The following SIGLEC1 variants were observed in gnomAD, a reference collection of about 807,000 sequenced individuals.
SIGLEC1 encodes sialic acid binding Ig like lectin 1, also known as sialoadhesin.
Under a neutral mutation model 148.0 loss-of-function variants are expected in SIGLEC1, and 132 were observed. The observed-to-expected ratio is 0.89, with a 90% CI of 0.77 to 1.03. SIGLEC1 has a LOEUF of 1.03. SIGLEC1 is among the 50% of genes least tolerant of loss of function. The pLI, the probability that SIGLEC1 is intolerant of heterozygous loss-of-function variation, is 0.00. For missense variants in SIGLEC1, 2,253 were observed against 2,271.4 expected, an observed-to-expected ratio of 0.99 and a Z score of 0.16; for synonymous variants, 945 against 969.0, an observed-to-expected ratio of 0.98 and a Z score of 0.46.
chr20:3,693,167 C>T (rs781423778), intron 14 of SIGLEC1, 36 bp from the exon 15 acceptor site: 20 of 1,507,426 alleles, frequency 1.3e-5, no homozygotes, highest in East Asian at 4.5e-5. Flanking sequence ...GAGTCACAGG[C>T]AGCAGCCTGC....
At chr20:3,690,652 T>A (rs988241013) in intron 18 of SIGLEC1, among the ~76,000 whole-genome samples, 3 of 152,238 alleles carry the variant, frequency 2.0e-5, no homozygotes, top group African/African-American at 7.2e-5. Flanking sequence ...ATTGAGCAGA[T>A]AACATGACTT....
chr20:3,701,667 G>A (rs770441175), intron 6 of SIGLEC1, 26 bp from the exon 7 acceptor site: 14 of 1,528,728 alleles, frequency 9.2e-6, no homozygotes, highest in Non-Finnish European at 1.2e-5. Context: ...AGGTGGGCCT[G>A]TCACCCTCAG....
rs1275825103 is a variant in SIGLEC1 at position 3,691,914 on chromosome 20, A to G, written c.4319T>C (p.Leu1440Ser). ...TCTCTTCCACTCACCTTCTACCTGC[A>G]ACCGCCCGATGGTGCTGATTGAGCC... ...LLGSISTIGR[L>S]QVEGARVVAE... is the part of the protein sequence containing the mutation. The change falls in exon 17 of 22, where the codon TTG (leucine) becomes TCG (serine). Residue 1440 changes from leucine to serine, a missense_variant. Physicochemically the swap from Leu to Ser is moderately radical, Grantham distance 145. Coordinates refer to ENST00000344754, the MANE Select transcript of SIGLEC1 (RefSeq NM_023068.4). 2 of 1,576,180 alleles carry G rather than the reference A, an allele frequency of 1.3e-6. No homozygotes were observed. The highest frequency in any genetic ancestry group is 2.7e-5 in the African/African-American group (2 of 74,424).
At chr20:3,699,962 C>T (rs144378999) in intron 7 of SIGLEC1, among the ~76,000 whole-genome samples, 2,304 of 151,382 alleles carry the variant, frequency 0.015, 61 homozygotes, top group African/African-American at 0.053. Flanking sequence ...AGGTGTGCCA[C>T]CACACCCAGC....
In SIGLEC1 at chr20:3,710,610, G is replaced by A. The variant is rs2087922848; in HGVS notation, c.-110+1860C>T. ...AGCCTGCTGGGCACACTGGGGGTCA[G>A]ATGTGTCCCTGGCCACAGGGGATGT... On this transcript the variant is annotated intron_variant, in intron 1 of 21. Coordinates refer to ENST00000344754, the MANE Select transcript of SIGLEC1 (RefSeq NM_023068.4). The surrounding 1 kb of genome is among the most constrained non-coding windows in gnomAD (Gnocchi z 4.6). Among the ~76,000 whole-genome samples the A allele has an allele frequency of 6.6e-6, 1 of 152,206 alleles. No homozygotes were observed. Among genetic ancestry groups the A allele is most frequent in the Non-Finnish European group, 1.5e-5 (1 of 68,036 alleles).
At position 3,703,214 on chromosome 20, in the gene SIGLEC1, A is replaced by G. The variant is rs148507891; in HGVS notation, c.1211T>C (p.Val404Ala). 4 of 1,613,888 alleles carry G rather than the reference A, an allele frequency of 2.5e-6. No individual in the cohort carries two copies. The highest frequency in any genetic ancestry group is 3.4e-6 in the Non-Finnish European group (4 of 1,180,010). ...CCTCTTACGGTTGACTACCACGCTGACAGGGCCCGAGCGCTCGCTGCCATG... is the reference window on the plus strand; with the variant it reads ...CCTCTTACGGTTGACTACCACGCTGGCAGGGCCCGAGCGCTCGCTGCCATG... The part of the protein sequence containing the change: ...NVHGSERSGP[V>A]SVVVNHPPLT... The change falls in exon 6 of 22, where the codon GTC (valine) becomes GCC (alanine). Residue 404 changes from valine to alanine, a missense_variant. Coordinates refer to ENST00000344754, the MANE Select transcript of SIGLEC1 (RefSeq NM_023068.4).
intron 13 of SIGLEC1, 42 bp from the exon 14 acceptor site, chr20:3,693,740 G>A: frequency 6.5e-7 from 1 of 1,532,300 alleles, no homozygotes; most frequent in South Asian, 1.3e-5. Flanking sequence ...AGGGTCTTGA[G>A]GCTGTGTACA....
chr20:3,691,783 G>T (rs933890855), intron 17 of SIGLEC1, 120 bp downstream of exon 17: 3 of 1,364,774 alleles, frequency 2.2e-6, no homozygotes, highest in African/African-American at 1.5e-5. Flanking sequence ...ACCAGATTAG[G>T]CTTCTCAAGG....
rs773390349 is a variant in SIGLEC1, at chr20:3,698,059, G to A, written c.1861C>T (p.Leu621Phe). 1 of 1,606,564 alleles carries A rather than the reference G, an allele frequency of 6.2e-7. No homozygotes were observed. Among genetic ancestry groups the A allele is most frequent in the Non-Finnish European group, 8.5e-7 (1 of 1,177,508 alleles). Residue 621 changes from leucine (L) to phenylalanine (F), a missense_variant, in exon 9 of 22, where the codon CTC becomes TTC. By Grantham distance (22) the Leu-to-Phe change is conservative. Coordinates refer to ENST00000344754, the MANE Select transcript of SIGLEC1 (RefSeq NM_023068.4). ...AAGAGAGRRG[L>F]LLCRVDSDPP... is the part of the protein sequence containing the mutation. ...TCGCTGTCCACACGGCACAAAAGGA[G>A]GCCTCGCCGTCCAGCCCCGGCCCCA...
chr20:3,703,715 C>T, intron 5 of SIGLEC1, 110 bp downstream of exon 5: 1 of 1,412,510 alleles, frequency 7.1e-7, no homozygotes, highest in African/African-American at 1.4e-5. Context: ...ATCCAGGAAG[C>T]ACTGGGTTAT....
chr20:3,709,219 A>G (rs1252439152), intron 1 of SIGLEC1, among the ~76,000 whole-genome samples: 2 of 152,210 alleles, frequency 1.3e-5, no homozygotes, highest in Non-Finnish European at 2.9e-5. Flanking sequence ...AACCACCAAA[A>G]AAACCATGAA....
Position 3,697,284 on chromosome 20 carries a change from C to G in SIGLEC1, c.2181G>C (p.Leu727Phe), listed in dbSNP as rs986447024. 6.2e-7 allele frequency: 1 copy of G among 1,613,978 alleles called. No individual in the cohort carries two copies. The change falls in exon 10 of 22, where the codon TTG (leucine) becomes TTC (phenylalanine). Residue 727 changes from leucine (L) to phenylalanine (F), a missense_variant. Transcript: ENST00000344754. ...CAGCTTCCCGGCTCACGTTGCAAGT[C>G]AAGTTGGCTTCTGTGCCCTCCTGAA... ...HTLQEGTEAN[L>F]TCNVSREAAG...
In SIGLEC1 at chr20:3,701,631, G is replaced by A. The variant is rs2087852904; in HGVS notation, c.1239C>T (p.Leu413=). Residue 413 remains leucine, a synonymous_variant, in exon 7 of 22, where the codon CTC becomes CTT. Transcript: ENST00000344754. ...PVSVVVNHPP[L]TPVLTAFLET... is the part of the protein sequence containing the mutation. ...CCAGGAAGGCTGTCAGGACTGGAGT[G>A]AGAGGCGGGTCTGTGTGGAGACGAG... 3 of 1,563,440 alleles carry A rather than the reference G, an allele frequency of 1.9e-6. No individual in the cohort carries two copies. The highest frequency in any genetic ancestry group is 2.6e-6 in the Non-Finnish European group (3 of 1,150,132).
chr20:3,705,865 G>T lies in SIGLEC1; in HGVS notation c.585C>A (p.Gly195=). The T allele has an allele frequency of 6.2e-7, 1 of 1,614,062 alleles. No individual in the cohort carries two copies. The highest frequency in any genetic ancestry group is 1.1e-5 in the South Asian group (1 of 91,090). ...TGTGGAGGGTCTCCAGGTGGCCGAC[G>T]CCGGTGGGCTCAAACTTCTGGCTGT... The part of the protein sequence containing the change: ...TFNSQKFEPT[G]VGHLETLHMA... Residue 195 remains glycine, a synonymous_variant, in exon 4 of 22, where the codon GGC becomes GGA. Transcript: ENST00000344754.
At chr20:3,703,094 T>C (rs926591634) in intron 6 of SIGLEC1, 103 bp downstream of exon 6, 8 of 1,441,618 alleles carry the variant, frequency 5.5e-6, no homozygotes, top group Non-Finnish European at 7.7e-6. Flanking sequence ...TCCAGGTAAG[T>C]GGCCTTGAAG....
chr20:3,708,352 A>T (rs563925430), intron 1 of SIGLEC1, among the ~76,000 whole-genome samples: 2 of 152,358 alleles, frequency 1.3e-5, no homozygotes, highest in East Asian at 3.9e-4. Flanking sequence ...TATAAGTGAA[A>T]CTATAAAACT....
Position 3,688,104 on chromosome 20 carries a change from T to A in SIGLEC1, c.*456A>T. The A allele has an allele frequency of 5.4e-6, 1 of 186,272 alleles. No individual in the cohort carries two copies. Among genetic ancestry groups the A allele is most frequent in the Non-Finnish European group, 1.1e-5 (1 of 88,612 alleles). The allele number at this position is 186,272 out of a possible 1,614,324, so 11.5% of individuals were successfully genotyped here. A position where few individuals can be genotyped will look rare whatever the true frequency, so the allele number is the denominator to read the frequency against. On this transcript the variant is annotated 3_prime_UTR_variant, in exon 22 of 22. Coordinates refer to ENST00000344754, the MANE Select transcript of SIGLEC1 (RefSeq NM_023068.4). ...GCCAGACTAGCGTGGGAGAGAAAAA[T>A]AAAATTCTATCATGTTGAAGTCACT...
At chr20:3,712,209 G>A (rs1004573170) in intron 1 of SIGLEC1, among the ~76,000 whole-genome samples, 1 of 152,002 alleles carries the variant, frequency 6.6e-6, no homozygotes, top group African/African-American at 2.4e-5. Context: ...TGGGGCTGGG[G>A]CTGAGGTAGG....
At chr20:3,703,739 C>T (rs1380873752) in intron 5 of SIGLEC1, 86 bp downstream of exon 5, 10 of 1,540,250 alleles carry the variant, frequency 6.5e-6, no homozygotes, top group Non-Finnish European at 7.0e-6. Context: ...AGTTGCTGGC[C>T]CTGCCCTGCC....
Sources: gnomAD v4.1 joint callset for allele counts (sites outside exome capture counted in the v4.1 genomes callset) on GRCh38, gnomAD v4.1.1 for gene constraint, Gnocchi (gnomAD v3.1) non-coding constraint, MANE v1.5 for transcripts, NCBI Gene and HGNC (gene_info 2026-07-23, HGNC 2026-07-21) for gene names.